Variants in COLEC10 observed in about 807,000 individuals in gnomAD.
The protein encoded by COLEC10 is collectin-10.
Under a neutral mutation model 28.4 loss-of-function variants are expected in COLEC10, and 22 were observed. The ratio of observed to expected loss-of-function variants is 0.78; its 90% CI spans 0.55 to 1.11. COLEC10 has a LOEUF of 1.11. COLEC10 is among the 50% of genes least tolerant of loss of function. The probability of loss-of-function intolerance (pLI) is 0.00; values close to 1 mark genes in which losing one functional copy is unlikely to be tolerated. For missense variants in COLEC10, 361 were observed against 344.1 expected (o/e 1.05, Z -0.39); for synonymous variants, 125 against 116.1 (o/e 1.08, Z -0.49).
At chr8:118,988,246 C>T in the COLEC10 span, among the ~76,000 whole-genome samples, 1 of 152,102 alleles carries the variant, frequency 6.6e-6, no homozygotes, top group African/African-American at 2.4e-5. Flanking sequence ...ATCAGATTCT[C>T]ATCATGAGGA....
Position 119,083,936 on chromosome 8 carries a change from A to G in COLEC10, c.149-5744A>G, listed in dbSNP as rs553723760. 7.2e-5 allele frequency among the ~76,000 whole-genome samples: 11 copies of G among 152,268 alleles called. No individual in the cohort carries two copies. The South Asian group carries it at 8.3e-4, about 11-fold the overall frequency. ...GTCCATTGTACTGAGCTTTCAGAGC[A>G]ACGTTGCCAGGGTCTGGGCCTCCCT... On this transcript the variant is annotated intron_variant, in intron 1 of 5. Coordinates refer to ENST00000332843, the MANE Select transcript of COLEC10 (RefSeq NM_006438.5).
the COLEC10 span, among the ~76,000 whole-genome samples, chr8:118,960,785 G>GGAAA: frequency 1.4e-5 from 1 of 72,558 alleles, no homozygotes; most frequent in Admixed American, 1.8e-4. Flanking sequence ...GAGACTCTGT[G>GGAAA]AAAAAAAAAA....
chr8:118,992,297 A>G (rs1359620502), upstream of COLEC10, among the ~76,000 whole-genome samples: 1 of 152,158 alleles, frequency 6.6e-6, no homozygotes, highest in Non-Finnish European at 1.5e-5. Flanking sequence ...CTTCAGTGTG[A>G]GAAACATCCT....
chr8:119,015,404 C>A (rs1363725398), intron 2 of COLEC10, among the ~76,000 whole-genome samples: 6 of 150,960 alleles, frequency 4.0e-5, no homozygotes, highest in Non-Finnish European at 8.8e-5. Flanking sequence ...ACAAAACCTC[C>A]ACAGATTAGG....
intron 2 of COLEC10, among the ~76,000 whole-genome samples, chr8:119,023,203 A>G (rs1157645149): frequency 1.3e-5 from 2 of 152,094 alleles, no homozygotes; most frequent in African/African-American, 2.4e-5. Context: ...TGTAGCTTGT[A>G]TCACTGTTTT....
Position 119,056,165 on chromosome 8 carries a change from C to T in COLEC10, n.236-33515C>T, listed in dbSNP as rs147332957. On this transcript the variant is annotated intron_variant and non_coding_transcript_variant, in intron 2 of 6. Transcript: ENST00000521788. ...GTCACTTCCACTTGTGTTAATACCT[C>T]GAATTGATTTGCTTCTCTGTAACCC... Among the ~76,000 whole-genome samples, 8 of 152,114 alleles carry T rather than the reference C, an allele frequency of 5.3e-5. No individual in the cohort carries two copies. In the East Asian group the frequency reaches 1.5e-3, roughly 29 times the overall value.
the COLEC10 span, among the ~76,000 whole-genome samples, chr8:118,976,302 CT>C: frequency 2.6e-5 from 4 of 152,028 alleles, no homozygotes; most frequent in Admixed American, 2.6e-4. Context: ...AAAAGTAACT[CT>C]TTCTAAGCCT....
chr8:118,965,110 C>T, the COLEC10 span, among the ~76,000 whole-genome samples: 1 of 152,084 alleles, frequency 6.6e-6, no homozygotes, highest in Non-Finnish European at 1.5e-5. Flanking sequence ...ACAGACAACC[C>T]AACTAAAGGT....
intron 2 of COLEC10, among the ~76,000 whole-genome samples, chr8:119,048,014 T>A (rs887901819): frequency 3.3e-5 from 5 of 152,222 alleles, no homozygotes; most frequent in Admixed American, 6.5e-5. Flanking sequence ...GGGGGTTTTT[T>A]AAATTATCTT....
intron 1 of COLEC10, among the ~76,000 whole-genome samples, chr8:119,003,612 G>A (rs543972767): frequency 5.9e-5 from 9 of 152,028 alleles, no homozygotes; most frequent in Non-Finnish European, 1.2e-4. Context: ...TGAATTAATG[G>A]GATGGGCCCC....
upstream of COLEC10, among the ~76,000 whole-genome samples, chr8:118,993,635 G>A (rs925378009): frequency 4.6e-5 from 7 of 152,232 alleles, no homozygotes; most frequent in East Asian, 5.8e-4. Context: ...GATTACAGGC[G>A]TGAGCCACCA....
intron 1 of COLEC10, among the ~76,000 whole-genome samples, chr8:119,007,143 G>A (rs954416164): frequency 6.6e-6 from 1 of 152,076 alleles, no homozygotes; most frequent in Non-Finnish European, 1.5e-5. Flanking sequence ...TAGGAATATC[G>A]CCAAACCACG....
At chr8:118,973,429 A>T in the COLEC10 span, among the ~76,000 whole-genome samples, 1 of 151,808 alleles carries the variant, frequency 6.6e-6, no homozygotes, top group African/African-American at 2.4e-5. Flanking sequence ...CACTTCCTCA[A>T]AGGCGGTGGG....
In COLEC10 at chr8:119,105,796, G is replaced by T. The variant is rs777502820; in HGVS notation, c.443-4G>T. 6 of 1,603,964 alleles carry T rather than the reference G, an allele frequency of 3.7e-6. No homozygotes were observed. The Admixed American group carries it at 5.1e-5, about 14-fold the overall frequency. ...TAATGATACTCCTTTTTCTCTCCCT[G>T]CAGTGATAGCAGGGATTAGGGAAAC... On this transcript the variant is annotated splice_region_variant and splice_polypyrimidine_tract_variant and intron_variant, in intron 5 of 5. Transcript: ENST00000332843.
chr8:118,982,083 C>T, the COLEC10 span, among the ~76,000 whole-genome samples: 749 of 151,990 alleles, frequency 4.9e-3, 10 homozygotes, highest in African/African-American at 0.017. Flanking sequence ...TAGCTCAGTC[C>T]GACATGATTG....
the COLEC10 span, among the ~76,000 whole-genome samples, chr8:118,975,395 G>A: frequency 1.3e-5 from 2 of 152,098 alleles, no homozygotes; most frequent in South Asian, 2.1e-4. Context: ...GACAATTTTT[G>A]TGACTAAGTT....
chr8:119,102,366 G>C lies in COLEC10; in HGVS notation c.311G>C (p.Gly104Ala). 2 of 1,607,846 alleles carry C rather than the reference G, an allele frequency of 1.2e-6. No homozygotes were observed. Among genetic ancestry groups the C allele is most frequent in the Middle Eastern group, 1.7e-4 (1 of 6,036 alleles). ...IGKKGDKGEK[G>A]LLGIPGEKGK... ...TTTTCAGGTGACAAAGGGGAAAAAG[G>C]TTTGCTTGGAATACCTGGAGAAAAA... is the stretch of plus-strand genomic sequence containing the variant. The change falls in exon 4 of 6, where the codon GGT becomes GCT. Residue 104 changes from glycine (G) to alanine (A), a missense_variant. This residue lies in a region of COLEC10 where 335 missense variants were observed against 308.5 expected (regional missense o/e 1.09). Coordinates refer to ENST00000332843, the MANE Select transcript of COLEC10 (RefSeq NM_006438.5).
chr8:118,952,453 T>C, the COLEC10 span, among the ~76,000 whole-genome samples: 1 of 152,242 alleles, frequency 6.6e-6, no homozygotes, highest in African/African-American at 2.4e-5. Flanking sequence ...GGGCCCCTCT[T>C]TATGCATGGC....
chr8:119,034,868 CTT>C (rs777765962), intron 2 of COLEC10, among the ~76,000 whole-genome samples: 9 of 152,106 alleles, frequency 5.9e-5, no homozygotes, highest in Non-Finnish European at 8.8e-5. Context: ...GAATCAAAAT[CTT>C]TATTTCATAG....
Sources: allele counts gnomAD v4.1 joint callset (sites outside exome capture counted in the v4.1 genomes callset), GRCh38; gene constraint gnomAD v4.1.1; regional missense constraint gnomAD v4.1.1; transcripts MANE v1.5; gene names NCBI Gene and HGNC (gene_info 2026-07-23, HGNC 2026-07-21).